CFAP90: variants seen among roughly 807,000 people sequenced by gnomAD.
The protein encoded by CFAP90 is cilia- and flagella-associated protein 90.
chr5:7,831,145 A>ATTTTT, the CFAP90 span: 6 of 152,200 alleles, frequency 3.9e-5, no homozygotes, highest in Admixed American at 3.9e-4. Flanking sequence ...ATTTTACCCA[A>ATTTTT]GTTTGTTGAA....
At chr5:7,835,670 G>GA in the CFAP90 span, among the ~76,000 whole-genome samples, 4 of 152,202 alleles carry the variant, frequency 2.6e-5, no homozygotes, top group African/African-American at 9.6e-5. Context: ...GTGGAGCAGG[G>GA]AGAAGCCCAG....
chr5:7,840,498 T>C, the CFAP90 span, among the ~76,000 whole-genome samples: 1 of 151,936 alleles, frequency 6.6e-6, no homozygotes, highest in Non-Finnish European at 1.5e-5. Flanking sequence ...AAAATATAAA[T>C]GGAATAAGAG....
the CFAP90 span, among the ~76,000 whole-genome samples, chr5:7,837,891 C>T: frequency 6.6e-6 from 1 of 152,208 alleles, no homozygotes; most frequent in East Asian, 1.9e-4. Context: ...AGGAAAGCAA[C>T]CTCCAACCAG....
the CFAP90 span, among the ~76,000 whole-genome samples, chr5:7,833,378 CAT>C: frequency 0.33 from 50,242 of 151,170 alleles, 8,510 homozygotes; most frequent in Admixed American, 0.46. Flanking sequence ...TATATACACA[CAT>C]AATATATACA....
the CFAP90 span, chr5:7,835,383 T>C: frequency 6.5e-7 from 1 of 1,535,716 alleles, no homozygotes; most frequent in Non-Finnish European, 9.0e-7. Flanking sequence ...TAATATTACC[T>C]CTTCGTTAAC....
the CFAP90 span, among the ~76,000 whole-genome samples, chr5:7,837,709 G>A: frequency 6.6e-6 from 1 of 152,314 alleles, no homozygotes; most frequent in African/African-American, 2.4e-5. Flanking sequence ...TAACTCAGAC[G>A]TGGCTACTGT....
chr5:7,844,549 A>G, the CFAP90 span, among the ~76,000 whole-genome samples: 1 of 152,346 alleles, frequency 6.6e-6, no homozygotes, highest in South Asian at 2.1e-4. Flanking sequence ...GGGAGAAAAC[A>G]ACAAGATAAC....
chr5:7,850,255 C>A, the CFAP90 span, among the ~76,000 whole-genome samples: 1 of 152,000 alleles, frequency 6.6e-6, no homozygotes, highest in Non-Finnish European at 1.5e-5. Context: ...CCCAGCTGAC[C>A]CTGCCGCGCC....
chr5:7,838,653 A>G, the CFAP90 span, among the ~76,000 whole-genome samples: 1 of 152,216 alleles, frequency 6.6e-6, no homozygotes, highest in Non-Finnish European at 1.5e-5. Context: ...GGGATTCAAT[A>G]GTAGCCAGGC....
At chr5:7,837,596 A>T in the CFAP90 span, among the ~76,000 whole-genome samples, 1 of 152,214 alleles carries the variant, frequency 6.6e-6, no homozygotes, top group Non-Finnish European at 1.5e-5. Flanking sequence ...CAGTAGTGGG[A>T]ATAACTAGAG....
chr5:7,833,932 C>T, the CFAP90 span, among the ~76,000 whole-genome samples: 1 of 152,072 alleles, frequency 6.6e-6, no homozygotes, highest in African/African-American at 2.4e-5. Context: ...ACTGTGCGGC[C>T]AGTCATATAA....
chr5:7,850,309 G>C, the CFAP90 span, among the ~76,000 whole-genome samples: 3 of 149,582 alleles, frequency 2.0e-5, no homozygotes, highest in African/African-American at 7.4e-5. Flanking sequence ...TCCACAGGCT[G>C]TCCAGCCCCG....
chr5:7,837,348 A>T, the CFAP90 span, among the ~76,000 whole-genome samples: 33 of 152,142 alleles, frequency 2.2e-4, no homozygotes, highest in Admixed American at 2.1e-3. Flanking sequence ...AGCTGCCTTA[A>T]ATCTTCCAGC....
the CFAP90 span, among the ~76,000 whole-genome samples, chr5:7,836,057 T>C: frequency 2.0e-5 from 3 of 152,162 alleles, no homozygotes; most frequent in Non-Finnish European, 4.4e-5. Flanking sequence ...CCCTCACGCT[T>C]CTTTTATAAG....
the CFAP90 span, among the ~76,000 whole-genome samples, chr5:7,833,554 T>C: frequency 6.6e-6 from 1 of 152,002 alleles, no homozygotes; most frequent in Non-Finnish European, 1.5e-5. Context: ...CAGGTACACA[T>C]ATTACACATA....
the CFAP90 span, among the ~76,000 whole-genome samples, chr5:7,841,867 G>A: frequency 6.6e-6 from 1 of 152,258 alleles, no homozygotes; most frequent in African/African-American, 2.4e-5. Flanking sequence ...AGGAAGAATA[G>A]TTAATGGATG....
At chr5:7,841,690 C>G in the CFAP90 span, among the ~76,000 whole-genome samples, 2 of 152,260 alleles carry the variant, frequency 1.3e-5, no homozygotes, top group Admixed American at 6.5e-5. Flanking sequence ...ATGGATGGAG[C>G]TGGAGGCCAT....
chr5:7,850,846 G>A, the CFAP90 span: 3 of 1,267,414 alleles, frequency 2.4e-6, no homozygotes. Flanking sequence ...CCAGCCTTCC[G>A]GTCTCCGCGC....
chr5:7,831,753 T>C, the CFAP90 span: 6 of 1,219,434 alleles, frequency 4.9e-6, no homozygotes, highest in Non-Finnish European at 7.0e-6. Context: ...CTAGGCGTCA[T>C]GAGAAGGGGA....
Sources: gnomAD v4.1 joint callset for allele counts (sites outside exome capture counted in the v4.1 genomes callset) on GRCh38, gnomAD v4.1.1 for gene constraint, MANE v1.5 for transcripts, NCBI Gene and HGNC (gene_info 2026-07-23, HGNC 2026-07-21) for gene names.